Variants in CHRM3 observed in about 807,000 individuals in gnomAD.
CHRM3 encodes muscarinic acetylcholine receptor M3.
In CHRM3, 11 loss-of-function variants were observed where a neutral mutation model predicts 41.8. That is an observed-to-expected ratio of 0.26 (90% CI 0.17 to 0.44). The LOEUF is 0.44. CHRM3 is among the 20% of genes least tolerant of loss of function. CHRM3 has a pLI of 1.00. For synonymous variants in CHRM3, 297 were observed against 301.4 expected (o/e 0.99, Z 0.15); for missense variants, 571 against 745.4 (o/e 0.77, Z 2.72).
chr1:239,881,059 G>A (rs1177984989), intron 6 of CHRM3, among the ~76,000 whole-genome samples: 6 of 151,964 alleles, frequency 3.9e-5, no homozygotes, highest in African/African-American at 1.4e-4. Context: ...CGAGGTGGGC[G>A]GATCACGAGG....
At chr1:239,737,808 A>G (rs558652328) in intron 5 of CHRM3, among the ~76,000 whole-genome samples, 1 of 152,302 alleles carries the variant, frequency 6.6e-6, no homozygotes, top group Non-Finnish European at 1.5e-5. Context: ...TATGAATTAC[A>G]AAGTTATCTG....
intron 3 of CHRM3, among the ~76,000 whole-genome samples, chr1:239,561,850 A>C (rs11804608): frequency 0.45 from 69,067 of 151,880 alleles, 16,315 homozygotes; most frequent in East Asian, 0.71. Context: ...ACTAAATGAA[A>C]AAATATATCC....
chr1:239,660,655 G>T (rs1437517155), intron 4 of CHRM3, among the ~76,000 whole-genome samples: 1 of 148,470 alleles, frequency 6.7e-6, no homozygotes, highest in Non-Finnish European at 1.5e-5. Flanking sequence ...GGCTGAGACA[G>T]GGGGATCACT....
At chr1:239,678,102 A>G (rs150598461) in intron 4 of CHRM3, 84 bp from the exon 5 acceptor site, 274 of 152,352 alleles carry the variant, frequency 1.8e-3, no homozygotes, top group African/African-American at 6.3e-3. Context: ...TTAATATTCC[A>G]TCTCACAATT....
chr1:239,777,548 A>G (rs1230172456), intron 5 of CHRM3, among the ~76,000 whole-genome samples: 1 of 152,216 alleles, frequency 6.6e-6, no homozygotes, highest in Non-Finnish European at 1.5e-5. Flanking sequence ...CTAGGTAAAT[A>G]AACATTAAGT....
chr1:239,489,163 C>T (rs558690235), intron 1 of CHRM3, among the ~76,000 whole-genome samples: 185 of 152,266 alleles, frequency 1.2e-3, no homozygotes, highest in Non-Finnish European at 2.0e-3. Context: ...CCTGTAATCC[C>T]AGCAGTTTGG....
At chr1:239,508,698 G>A (rs1031296077) in intron 2 of CHRM3, among the ~76,000 whole-genome samples, 3 of 152,092 alleles carry the variant, frequency 2.0e-5, no homozygotes, top group Non-Finnish European at 4.4e-5. Context: ...GACATGGTGG[G>A]TGTTCAACAT....
intron 1 of CHRM3, among the ~76,000 whole-genome samples, chr1:239,412,061 A>C (rs1225572341): frequency 6.6e-6 from 1 of 151,548 alleles, no homozygotes; most frequent in Non-Finnish European, 1.5e-5. Flanking sequence ...ATAATCATAT[A>C]AAAATTTTGG....
rs1175982721 is a variant in CHRM3 at position 239,912,060 on chromosome 1, C to G, written c.*2836C>G. ...ATATGCATGAGGTTTGCAGACATTT[C>G]AAGATTAGCCACTTTGCTTGAAAGA... is the stretch of plus-strand genomic sequence containing the variant. On this transcript the variant is annotated 3_prime_UTR_variant, in exon 7 of 7. Coordinates refer to ENST00000676153, the MANE Select transcript of CHRM3 (RefSeq NM_001375978.1). The G allele has an allele frequency of 2.4e-5, 4 of 167,172 alleles. No individual in the cohort carries two copies. The highest frequency in any genetic ancestry group is 4.4e-5 in the Non-Finnish European group (3 of 68,104). The allele number at this position is 167,172 out of a possible 1,614,324, so 10.4% of individuals were successfully genotyped here. A position where few individuals can be genotyped will look rare whatever the true frequency, so the allele number is the denominator to read the frequency against.
intron 5 of CHRM3, among the ~76,000 whole-genome samples, chr1:239,687,254 T>C (rs1001441316): frequency 1.3e-5 from 2 of 152,164 alleles, no homozygotes; most frequent in Non-Finnish European, 2.9e-5. Flanking sequence ...ATCACTTTAG[T>C]TTATTTGTTA....
At chr1:239,627,752 T>C (rs1001171400) in intron 3 of CHRM3, among the ~76,000 whole-genome samples, 15 of 141,130 alleles carry the variant, frequency 1.1e-4, no homozygotes, top group African/African-American at 2.4e-4. Flanking sequence ...TATTTCTCCT[T>C]CACTTATGAA....
rs534558803 is a variant in CHRM3 at position 239,559,174 on chromosome 1, T to C, written c.-313+13425T>C. On this transcript the variant is annotated intron_variant, in intron 3 of 6. Transcript: ENST00000676153. Reference sequence around the variant, plus strand: ...CCTTTCTGTAAGTCTATGAGTCTTATAAACTGTGAAAAGGTCATACTAGCA... The same window carrying C: ...CCTTTCTGTAAGTCTATGAGTCTTACAAACTGTGAAAAGGTCATACTAGCA... 3.3e-5 allele frequency among the ~76,000 whole-genome samples: 5 copies of C among 152,318 alleles called. 1 individual carries two copies. Among genetic ancestry groups the C allele is most frequent in the Non-Finnish European group, 2.9e-5 (2 of 68,032 alleles).
chr1:239,394,591 CA>C (rs776637236), intron 1 of CHRM3, among the ~76,000 whole-genome samples: 1 of 152,138 alleles, frequency 6.6e-6, no homozygotes, highest in African/African-American at 2.4e-5. Flanking sequence ...CATTAATGAA[CA>C]ACTTTTGGCT....
chr1:239,751,895 T>G (rs543507362), intron 5 of CHRM3, among the ~76,000 whole-genome samples: 1 of 152,316 alleles, frequency 6.6e-6, no homozygotes, highest in African/African-American at 2.4e-5. Flanking sequence ...AACATTATTT[T>G]AAAGGCATGT....
At chr1:239,902,862 A>G (rs979347949) in intron 6 of CHRM3, among the ~76,000 whole-genome samples, 6 of 152,138 alleles carry the variant, frequency 3.9e-5, no homozygotes, top group African/African-American at 7.2e-5. Context: ...GTTCTTGTCT[A>G]CCTTTAAAAT....
chr1:239,717,045 G>GTTT (rs35801899), intron 5 of CHRM3, among the ~76,000 whole-genome samples: 1 of 148,226 alleles, frequency 6.7e-6, no homozygotes. Context: ...ATCACTTCCA[G>GTTT]TTTTTTTTTT....
At chr1:239,602,354 A>G (rs1665712516) in intron 3 of CHRM3, among the ~76,000 whole-genome samples, 1 of 152,048 alleles carries the variant, frequency 6.6e-6, no homozygotes, top group African/African-American at 2.4e-5. Context: ...TTGGTAAGAC[A>G]AGGAAATAAC....
chr1:239,713,628 A>G (rs1255922313), intron 5 of CHRM3, among the ~76,000 whole-genome samples: 1 of 152,144 alleles, frequency 6.6e-6, no homozygotes, highest in African/African-American at 2.4e-5. Flanking sequence ...TAGTTATTCT[A>G]TAGCTCCCAT....
chr1:239,833,514 A>C (rs1673058203), intron 6 of CHRM3, among the ~76,000 whole-genome samples: 1 of 152,152 alleles, frequency 6.6e-6, no homozygotes, highest in African/African-American at 2.4e-5. Flanking sequence ...TGGAGGTCAA[A>C]ACCAGGACTC....
Sources: gnomAD v4.1 joint callset for allele counts (sites outside exome capture counted in the v4.1 genomes callset) on GRCh38, gnomAD v4.1.1 for gene constraint, MANE v1.5 for transcripts, NCBI Gene and HGNC (gene_info 2026-07-23, HGNC 2026-07-21) for gene names.